Variants in SMC2 observed in about 807,000 individuals in gnomAD.
SMC2 encodes structural maintenance of chromosomes protein 2.
In SMC2, 41 loss-of-function variants were observed where a neutral mutation model predicts 142.6. That is an observed-to-expected ratio of 0.29 (90% CI 0.22 to 0.37). SMC2 has a LOEUF of 0.37. SMC2 is among the 10% of genes least tolerant of loss of function. The pLI, the probability that SMC2 is intolerant of heterozygous loss-of-function variation, is 1.00. For missense variants in SMC2, 1,265 were observed against 1,373.7 expected (o/e 0.92, Z 1.25); for synonymous variants, 463 against 457.5 (o/e 1.01, Z -0.15).
chr9:104,138,742 C>T (rs1311855057), intron 24 of SMC2, among the ~76,000 whole-genome samples: 1 of 152,134 alleles, frequency 6.6e-6, no homozygotes, highest in Non-Finnish European at 1.5e-5. Flanking sequence ...TGGCAAATAA[C>T]ATTGAATGGG....
intron 16 of SMC2, among the ~76,000 whole-genome samples, chr9:104,121,077 C>CTA (rs543256140): frequency 8.5e-4 from 128 of 151,242 alleles, no homozygotes; most frequent in African/African-American, 3.1e-3. Flanking sequence ...GTTGAGTAAA[C>CTA]ACACGAAAGA....
At chr9:104,104,542 G>A in intron 9 of SMC2, among the ~76,000 whole-genome samples, 1 of 150,482 alleles carries the variant, frequency 6.6e-6, no homozygotes, top group African/African-American at 2.5e-5. Context: ...GCAGCTGGAG[G>A]AGCAGATAGA....
rs905972385 is a variant in SMC2 at position 104,101,085 on chromosome 9, A to G, written c.636+652A>G. Among the ~76,000 whole-genome samples, 11 of 152,096 alleles carry G rather than the reference A, an allele frequency of 7.2e-5. No homozygotes were observed. In the East Asian group the frequency reaches 2.1e-3, roughly 30 times the overall value. On this transcript the variant is annotated intron_variant, in intron 7 of 24. Coordinates refer to ENST00000374793, the MANE Select transcript of SMC2 (RefSeq NM_006444.3). ...TCTGAGTAGCTGGGACTACAGGTGC[A>G]TGCCACCACACCCTGCTAGTTTATT... is the stretch of plus-strand genomic sequence containing the variant.
intron 7 of SMC2, among the ~76,000 whole-genome samples, 197 bp downstream of exon 7, chr9:104,100,630 G>A (rs886229030): frequency 1.3e-5 from 2 of 152,082 alleles, no homozygotes; most frequent in African/African-American, 4.8e-5. Context: ...ATAGGATATT[G>A]GAGAGTAATT....
intron 23 of SMC2, among the ~76,000 whole-genome samples, chr9:104,137,365 G>GA (rs1160933262): frequency 6.6e-6 from 1 of 152,036 alleles, no homozygotes; most frequent in African/African-American, 2.4e-5. Flanking sequence ...TACCAGATTA[G>GA]AATGAGCTGC....
At chr9:104,118,150 A>ATATC (rs1833340629) in intron 14 of SMC2, 21 bp from the exon 15 acceptor site, 2 of 1,604,012 alleles carry the variant, frequency 1.2e-6, no homozygotes, top group African/African-American at 2.7e-5. Flanking sequence ...GTACTGTGGC[A>ATATC]TATCTGTTGT....
intron 3 of SMC2, among the ~76,000 whole-genome samples, chr9:104,098,185 G>A (rs1172435411): frequency 6.6e-6 from 1 of 152,186 alleles, no homozygotes; most frequent in Non-Finnish European, 1.5e-5. Flanking sequence ...TTACCTCGGA[G>A]ACCTAGTCTG....
In SMC2 at chr9:104,116,333, T is replaced by G; in HGVS notation, c.1791+14T>G. 6.3e-7 allele frequency: 1 copy of G among 1,594,870 alleles called. No individual in the cohort carries two copies. Among genetic ancestry groups the G allele is most frequent in the Non-Finnish European group, 8.5e-7 (1 of 1,173,304 alleles). On this transcript the variant is annotated intron_variant, in intron 14 of 24. Coordinates refer to ENST00000374793, the MANE Select transcript of SMC2 (RefSeq NM_006444.3). ...GCTCAGAATCTTGTAAGTCTCATTT[T>G]GTCTTATTTATATGTTTAATCGTCA...
intron 13 of SMC2, among the ~76,000 whole-genome samples, chr9:104,115,059 G>A (rs1211182548): frequency 6.6e-6 from 1 of 151,750 alleles, no homozygotes; most frequent in East Asian, 1.9e-4. Context: ...GGATCTCTTT[G>A]CTGTATAAGT....
At chr9:104,125,743 T>C (rs59789561) in intron 18 of SMC2, among the ~76,000 whole-genome samples, 8,595 of 152,212 alleles carry the variant, frequency 0.056, 637 homozygotes, top group African/African-American at 0.18. Context: ...TGTCATTCAG[T>C]TGTAAACTGA....
intron 20 of SMC2, among the ~76,000 whole-genome samples, chr9:104,128,790 AGTGCCTTTTTCAATATACT>A (rs1211447171): frequency 2.0e-5 from 3 of 152,200 alleles, no homozygotes; most frequent in African/African-American, 7.2e-5. Flanking sequence ...ATTATTATAC[AGTGCCTTTTTCAATATACT>A]GTGCCTTTTT....
intron 8 of SMC2, 31 bp downstream of exon 8, chr9:104,102,224 T>C (rs773225327): frequency 1.6e-5 from 21 of 1,309,284 alleles, no homozygotes; most frequent in Admixed American, 1.1e-4. Flanking sequence ...ATCGATAATA[T>C]ACTCTGTGAA....
chr9:104,140,897 A>G lies in SMC2; in HGVS notation c.*1582A>G, dbSNP rs994119501. ...TGGTACTTCATTGCTGTTTTAGCCA[A>G]CGTTTTAAAAATAATTTGGGAGTTT... is the stretch of plus-strand genomic sequence containing the variant. On this transcript the variant is annotated 3_prime_UTR_variant, in exon 25 of 25. Coordinates refer to ENST00000374793, the MANE Select transcript of SMC2 (RefSeq NM_006444.3). 10 of 152,204 alleles carry G rather than the reference A, an allele frequency of 6.6e-5. No homozygotes were observed. Among genetic ancestry groups the G allele is most frequent in the South Asian group, 4.1e-4 (2 of 4,830 alleles). The allele number at this position is 152,204 out of a possible 1,614,324, so 9.4% of individuals were successfully genotyped here.
chr9:104,095,588 G>A, intron 2 of SMC2, 36 bp downstream of exon 2: 2 of 1,540,216 alleles, frequency 1.3e-6, no homozygotes, highest in Non-Finnish European at 1.8e-6. Context: ...TTGAATTTAA[G>A]TTGGCAGGAG....
upstream of SMC2, among the ~76,000 whole-genome samples, chr9:104,093,295 C>T (rs1475857728): frequency 6.6e-6 from 1 of 152,066 alleles, no homozygotes; most frequent in Non-Finnish European, 1.5e-5. Context: ...CACGTTTTTT[C>T]TTCCTAAAGA....
intron 9 of SMC2, among the ~76,000 whole-genome samples, chr9:104,108,017 G>T (rs924652380): frequency 3.3e-5 from 5 of 152,182 alleles, no homozygotes; most frequent in African/African-American, 1.2e-4. Context: ...TGGTGGTGAT[G>T]TTCTGCACCA....
Position 104,118,260 on chromosome 9 carries a change from A to G in SMC2, c.1881A>G (p.Thr627=), listed in dbSNP as rs199766215. The part of the protein sequence containing the change: ...QKAMEFVFGT[T]FVCDNMDNAK... ...CAATGGAGTTTGTCTTTGGAACAAC[A>G]TTTGTTTGTGACAATATGGATAATG... Residue 627 remains threonine (T), a synonymous_variant, in exon 15 of 25, where the codon ACA becomes ACG. Transcript: ENST00000374793. 7 of 1,613,658 alleles carry G rather than the reference A, an allele frequency of 4.3e-6. No homozygotes were observed. Among genetic ancestry groups the G allele is most frequent in the Non-Finnish European group, 5.9e-6 (7 of 1,179,776 alleles).
At position 104,120,081 on chromosome 9, in the gene SMC2, T is replaced by C. The variant is rs1833555191; in HGVS notation, c.2051T>C (p.Val684Ala). The change falls in exon 16 of 25, where the codon GTT becomes GCT. Residue 684 changes from valine (V) to alanine (A), a missense_variant. By Grantham distance (64) the Val-to-Ala change is moderately conservative. Coordinates refer to ENST00000374793, the MANE Select transcript of SMC2 (RefSeq NM_006444.3). ...ACCAAGTTTCAAGAACTCAAAGATG[T>C]TCAGGATGAACTGAGAATCAAAGAG... ...ILTKFQELKD[V>A]QDELRIKENE... 4 of 1,613,910 alleles carry C rather than the reference T, an allele frequency of 2.5e-6. No individual in the cohort carries two copies. The highest frequency in any genetic ancestry group is 3.4e-6 in the Non-Finnish European group (4 of 1,179,940).
intron 7 of SMC2, among the ~76,000 whole-genome samples, chr9:104,101,078 C>T (rs1372868318): frequency 1.3e-5 from 2 of 152,124 alleles, no homozygotes; most frequent in Non-Finnish European, 2.9e-5. Context: ...GCTGGGACTA[C>T]AGGTGCATGC....
Sources: gnomAD v4.1 joint callset for allele counts (sites outside exome capture counted in the v4.1 genomes callset) on GRCh38, gnomAD v4.1.1 for gene constraint, MANE v1.5 for transcripts, NCBI Gene and HGNC (gene_info 2026-07-23, HGNC 2026-07-21) for gene names.